RNF220: variants seen among roughly 807,000 people sequenced by gnomAD.
RNF220 encodes the protein ring finger protein 220, also known as E3 ubiquitin-protein ligase RNF220.
RNF220 carries 7 observed loss-of-function variants against 67.1 expected under a neutral mutation model. That is an observed-to-expected ratio of 0.10 (90% CI 0.06 to 0.20). RNF220 has a LOEUF of 0.20. RNF220 is among the 10% of genes least tolerant of loss of function. RNF220 has a pLI of 1.00. For missense variants in RNF220, 565 were observed against 740.3 expected, an observed-to-expected ratio of 0.76 and a Z score of 2.75; for synonymous variants, 270 against 283.2, an observed-to-expected ratio of 0.95 and a Z score of 0.47.
At chr1:44,603,716 A>G (rs1459602603) in intron 2 of RNF220, among the ~76,000 whole-genome samples, 2 of 151,860 alleles carry the variant, frequency 1.3e-5, no homozygotes, top group African/African-American at 4.8e-5. Flanking sequence ...TTCTTCCTCT[A>G]CCTCCCTCTG....
chr1:44,614,423 T>G, intron 3 of RNF220, 126 bp downstream of exon 3: 1 of 1,018,594 alleles, frequency 9.8e-7, no homozygotes, highest in Non-Finnish European at 1.4e-6. Context: ...CCTGCCACCC[T>G]TCTCCACAAC....
rs528577166 is a variant in RNF220, at chr1:44,650,058, C to A, written c.1629+101C>A. On this transcript the variant is annotated intron_variant, in intron 14 of 14. Transcript: ENST00000361799. This position sits in a 1 kb window ranked among gnomAD's most constrained non-coding sequence, Gnocchi z 4.3. Reference sequence around the variant, plus strand: ...TGCCTGGGGGAAGTGGGGAGCATGGCGCAAAGGAGAACAGAGCCAGGAGCC... The same window carrying A: ...TGCCTGGGGGAAGTGGGGAGCATGGAGCAAAGGAGAACAGAGCCAGGAGCC... 7.9e-7 allele frequency: 1 copy of A among 1,264,838 alleles called. No individual in the cohort carries two copies. The highest frequency in any genetic ancestry group is 1.3e-5 in the South Asian group (1 of 77,056). 78.4% of individuals were successfully genotyped at this position (1,264,838 alleles called of 1,614,324 possible).
chr1:44,603,292 T>C (rs1573011003), intron 2 of RNF220, among the ~76,000 whole-genome samples: 1 of 152,366 alleles, frequency 6.6e-6, no homozygotes, highest in East Asian at 1.9e-4. Context: ...AAGGTAAACA[T>C]GCTCAGCCCA....
At chr1:44,603,537 C>T (rs1273841267) in intron 2 of RNF220, among the ~76,000 whole-genome samples, 1 of 152,260 alleles carries the variant, frequency 6.6e-6, no homozygotes, top group African/African-American at 2.4e-5. Context: ...GCCGCTGCTG[C>T]CAGGGAGAGG....
chr1:44,559,817 G>A (rs1312622398), intron 2 of RNF220, among the ~76,000 whole-genome samples: 2 of 152,270 alleles, frequency 1.3e-5, no homozygotes, highest in East Asian at 3.8e-4. Context: ...CTGCATCGAT[G>A]TCACTGTCTT....
At chr1:44,459,625 A>G (rs1431781030) in intron 2 of RNF220, among the ~76,000 whole-genome samples, 1 of 152,162 alleles carries the variant, frequency 6.6e-6, no homozygotes, top group Non-Finnish European at 1.5e-5. Context: ...GTGCAGGTGG[A>G]CCACATGGCC....
At chr1:44,634,982 CCTCTT>C (rs761941974) in intron 6 of RNF220, among the ~76,000 whole-genome samples, 1 of 152,142 alleles carries the variant, frequency 6.6e-6, no homozygotes, top group Non-Finnish European at 1.5e-5. Context: ...GCCTCAGTCT[CCTCTT>C]CTGTGAAATG....
At chr1:44,500,253 C>T (rs1329444064) in intron 2 of RNF220, among the ~76,000 whole-genome samples, 1 of 152,218 alleles carries the variant, frequency 6.6e-6, no homozygotes, top group Non-Finnish European at 1.5e-5. Context: ...GGGTCTCCAC[C>T]TTAGCCTTTT....
At chr1:44,549,430 C>G (rs1424396917) in intron 2 of RNF220, among the ~76,000 whole-genome samples, 1 of 152,152 alleles carries the variant, frequency 6.6e-6, no homozygotes, top group Non-Finnish European at 1.5e-5. Context: ...CTGTGGTTCT[C>G]AAAAAGGGTG....
intron 8 of RNF220, chr1:44,636,462 A>G (rs771443670): frequency 5.3e-5 from 38 of 717,582 alleles, no homozygotes; most frequent in Middle Eastern, 4.6e-4. Flanking sequence ...TAGCACCTGC[A>G]TAAAATATTA....
In RNF220 at chr1:44,632,395, G is replaced by A. The variant is rs1348412945; in HGVS notation, c.949+10G>A. The A allele has an allele frequency of 6.2e-7, 1 of 1,611,334 alleles. No homozygotes were observed. The highest frequency in any genetic ancestry group is 8.5e-7 in the Non-Finnish European group (1 of 1,179,104). Reference sequence around the variant, plus strand: ...CAGACCCGACTGAATGGTGAGTCCTGCCCGGCCCCTCCCTCCGCCCCACCC... The same window carrying A: ...CAGACCCGACTGAATGGTGAGTCCTACCCGGCCCCTCCCTCCGCCCCACCC... On this transcript the variant is annotated intron_variant, in intron 6 of 14. Transcript: ENST00000361799.
intron 2 of RNF220, among the ~76,000 whole-genome samples, chr1:44,523,486 C>A (rs565922576): frequency 1.3e-5 from 2 of 152,182 alleles, no homozygotes; most frequent in African/African-American, 4.8e-5. Context: ...GACTTGGTCC[C>A]GCGCTTCCTG....
chr1:44,432,334 G>A (rs572542140), intron 2 of RNF220, among the ~76,000 whole-genome samples: 25 of 138,064 alleles, frequency 1.8e-4, no homozygotes, highest in Middle Eastern at 5.5e-3. Flanking sequence ...GCAATGGCGC[G>A]ATCTCGGCTC....
At chr1:44,479,875 A>G (rs1655640051) in intron 2 of RNF220, among the ~76,000 whole-genome samples, 1 of 152,298 alleles carries the variant, frequency 6.6e-6, no homozygotes, top group Admixed American at 6.5e-5. Context: ...CAGCCAGCTC[A>G]TGCTTGCAAT....
At chr1:44,544,476 G>T (rs1282549301) in intron 2 of RNF220, among the ~76,000 whole-genome samples, 3 of 152,224 alleles carry the variant, frequency 2.0e-5, no homozygotes, top group African/African-American at 7.2e-5. Flanking sequence ...ATGCATGTAA[G>T]TGCTGAGTGC....
intron 2 of RNF220, among the ~76,000 whole-genome samples, chr1:44,502,110 C>T (rs1170444994): frequency 1.4e-5 from 2 of 147,572 alleles, no homozygotes; most frequent in South Asian, 4.3e-4. Context: ...CTTTGTAAGG[C>T]TCCTGGCTGC....
intron 2 of RNF220, among the ~76,000 whole-genome samples, chr1:44,552,283 A>G (rs1484306105): frequency 6.6e-6 from 1 of 152,026 alleles, no homozygotes; most frequent in Non-Finnish European, 1.5e-5. Context: ...CTTTGGGAGG[A>G]TTGCTTGAGC....
chr1:44,630,277 C>T (rs1438739623), intron 5 of RNF220, among the ~76,000 whole-genome samples: 2 of 152,222 alleles, frequency 1.3e-5, no homozygotes, highest in Non-Finnish European at 2.9e-5. Flanking sequence ...CTAACTAACC[C>T]TCTTTATCAT....
rs2148409712 is a variant in RNF220, at chr1:44,606,116, GC to G, written c.626-8045del. Among the ~76,000 whole-genome samples the G allele has an allele frequency of 6.6e-6, 1 of 152,304 alleles. No homozygotes were observed. The highest frequency in any genetic ancestry group is 2.1e-4 in the South Asian group (1 of 4,822). On this transcript the variant is annotated intron_variant, in intron 2 of 14. Transcript: ENST00000361799. The surrounding 1 kb of genome is among the most constrained non-coding windows in gnomAD (Gnocchi z 4.2). ...ATCATACATTCAAATCCGCTGCCCCGCCCCAGCGGGAGGCCCCAGCCAGACA... is the reference window on the plus strand; with the variant it reads ...ATCATACATTCAAATCCGCTGCCCCGCCCAGCGGGAGGCCCCAGCCAGACA...
Sources: gnomAD v4.1 joint callset for allele counts (sites outside exome capture counted in the v4.1 genomes callset) on GRCh38, gnomAD v4.1.1 for gene constraint, Gnocchi (gnomAD v3.1) non-coding constraint, MANE v1.5 for transcripts, NCBI Gene and HGNC (gene_info 2026-07-23, HGNC 2026-07-21) for gene names.